UVRAG: variants seen among roughly 807,000 people sequenced by gnomAD.
UVRAG encodes UV radiation resistance-associated gene protein.
In UVRAG, 19 loss-of-function variants were observed where a neutral mutation model predicts 78.0. That is an observed-to-expected ratio of 0.24 (90% CI 0.17 to 0.36). UVRAG has a LOEUF of 0.36. Ranked by LOEUF, UVRAG falls within the 10% of genes least tolerant of loss-of-function variation. UVRAG has a pLI of 1.00. For missense variants in UVRAG, 740 were observed against 853.8 expected (o/e 0.87, Z 1.66); for synonymous variants, 323 against 324.6 (o/e 1.00, Z 0.05).
intron 5 of UVRAG, among the ~76,000 whole-genome samples, chr11:75,889,857 A>G (rs543496408): frequency 6.6e-6 from 1 of 152,234 alleles, no homozygotes; most frequent in Admixed American, 6.5e-5. Context: ...GGTAAATGCT[A>G]TATAAGCATA....
chr11:76,016,093 A>G (rs1174815672), intron 11 of UVRAG, among the ~76,000 whole-genome samples: 6 of 152,214 alleles, frequency 3.9e-5, no homozygotes. Context: ...ATAAGTTTAG[A>G]AAATGTAATT....
chr11:75,848,256 TTTAA>T (rs1946079336), intron 1 of UVRAG, among the ~76,000 whole-genome samples: 1 of 152,132 alleles, frequency 6.6e-6, no homozygotes, highest in South Asian at 2.1e-4. Context: ...TATCTTGGAT[TTTAA>T]TTAATTATGG....
intron 13 of UVRAG, among the ~76,000 whole-genome samples, chr11:76,096,773 C>T (rs947240798): frequency 1.6e-4 from 24 of 152,118 alleles, no homozygotes; most frequent in Admixed American, 1.6e-3. Flanking sequence ...AAGCAAATAC[C>T]CTGAGGCGCC....
At chr11:75,878,690 C>T (rs1946866384) in intron 3 of UVRAG, among the ~76,000 whole-genome samples, 1 of 152,206 alleles carries the variant, frequency 6.6e-6, no homozygotes. Context: ...GAAACCCAGT[C>T]TCCACCAAAA....
intron 14 of UVRAG, among the ~76,000 whole-genome samples, chr11:76,129,442 G>A (rs1242754859): frequency 6.6e-6 from 1 of 152,082 alleles, no homozygotes; most frequent in African/African-American, 2.4e-5. Context: ...CTTAGTCCTA[G>A]GCCCTTTTTT....
intron 13 of UVRAG, among the ~76,000 whole-genome samples, chr11:76,098,520 T>C (rs1052411211): frequency 1.3e-5 from 2 of 152,174 alleles, no homozygotes; most frequent in African/African-American, 2.4e-5. Flanking sequence ...TATTAGATTG[T>C]TTTTCAGTCA....
rs1947252170 is a variant in UVRAG at position 75,893,036 on chromosome 11, G to A, written c.507+4133G>A. ...CTACTAAAAACACAAAAATTAGCCAGGCATAGTGGCGGGTGCCTGTAATCC... is the reference window on the plus strand; with the variant it reads ...CTACTAAAAACACAAAAATTAGCCAAGCATAGTGGCGGGTGCCTGTAATCC... On this transcript the variant is annotated intron_variant, in intron 5 of 14. Coordinates refer to ENST00000356136, the MANE Select transcript of UVRAG (RefSeq NM_003369.4). Among the ~76,000 whole-genome samples, 2 of 152,012 alleles carry A rather than the reference G, an allele frequency of 1.3e-5. 1 individual carries two copies. The highest frequency in any genetic ancestry group is 4.2e-4 in the South Asian group (2 of 4,818).
intron 12 of UVRAG, among the ~76,000 whole-genome samples, chr11:76,038,472 A>G (rs933985398): frequency 6.6e-6 from 1 of 152,248 alleles, no homozygotes; most frequent in Non-Finnish European, 1.5e-5. Flanking sequence ...AATTTGAAGT[A>G]TACAGGACTT....
chr11:75,825,111 C>G (rs1590899325), intron 1 of UVRAG, among the ~76,000 whole-genome samples: 1 of 141,456 alleles, frequency 7.1e-6, no homozygotes, highest in East Asian at 2.0e-4. Context: ...TAAGTAATGT[C>G]TTTTTTTTTT....
At chr11:75,855,362 G>A (rs185946909) in intron 2 of UVRAG, among the ~76,000 whole-genome samples, 3 of 152,292 alleles carry the variant, frequency 2.0e-5, no homozygotes, top group Admixed American at 2.0e-4. Context: ...GCCTCTTGAG[G>A]GCATTTACTC....
At chr11:75,962,159 C>T (rs1324907216) in intron 7 of UVRAG, among the ~76,000 whole-genome samples, 5 of 151,666 alleles carry the variant, frequency 3.3e-5, no homozygotes, top group African/African-American at 1.2e-4. Flanking sequence ...TTTTAAAAGC[C>T]ACTTGGGTAT....
chr11:76,116,935 G>A (rs1952193496), intron 14 of UVRAG, among the ~76,000 whole-genome samples: 1 of 152,278 alleles, frequency 6.6e-6, no homozygotes, highest in South Asian at 2.1e-4. Context: ...TCTTAGATAG[G>A]ACTCCTGTTA....
At position 76,141,691 on chromosome 11, in the gene UVRAG, C is replaced by T; in HGVS notation, c.*278C>T. Reference sequence around the variant, plus strand: ...GCTTACAGCTCGAGTCACCTTTTAGCTATTTGTCTGCTTTTTATTTACCCT... The same window carrying T: ...GCTTACAGCTCGAGTCACCTTTTAGTTATTTGTCTGCTTTTTATTTACCCT... On this transcript the variant is annotated 3_prime_UTR_variant, in exon 15 of 15. Coordinates refer to ENST00000356136, the MANE Select transcript of UVRAG (RefSeq NM_003369.4). The T allele has an allele frequency of 2.3e-6, 1 of 433,036 alleles. No homozygotes were observed. The highest frequency in any genetic ancestry group is 2.0e-5 in the African/African-American group (1 of 50,474). The allele number at this position is 433,036 out of a possible 1,614,324, so 26.8% of individuals were successfully genotyped here.
chr11:75,957,141 C>T (rs1021484313), intron 6 of UVRAG, among the ~76,000 whole-genome samples: 5 of 151,924 alleles, frequency 3.3e-5, no homozygotes, highest in Middle Eastern at 3.4e-3. Context: ...TATTTGTCTA[C>T]CCCAAGTTTG....
chr11:75,929,182 T>C (rs5026790), intron 6 of UVRAG, among the ~76,000 whole-genome samples: 13,420 of 152,188 alleles, frequency 0.088, 1,006 homozygotes, highest in African/African-American at 0.21. Context: ...GAGATTGCTG[T>C]GTGATAAACT....
At chr11:76,032,347 C>T (rs1302037285) in intron 12 of UVRAG, among the ~76,000 whole-genome samples, 1 of 152,012 alleles carries the variant, frequency 6.6e-6, no homozygotes, top group African/African-American at 2.4e-5. Context: ...GGATGATCAC[C>T]AAAAGTAGTT....
intron 5 of UVRAG, 69 bp from the exon 6 acceptor site, chr11:75,911,885 G>A: frequency 1.9e-6 from 2 of 1,054,936 alleles, no homozygotes; most frequent in East Asian, 2.4e-5. Context: ...AAAAAGACAA[G>A]CATGATTAAT....
rs572903626 is a variant in UVRAG at position 75,842,639 on chromosome 11, A to C, written c.118-9244A>C. On this transcript the variant is annotated intron_variant, in intron 1 of 14. Coordinates refer to ENST00000356136, the MANE Select transcript of UVRAG (RefSeq NM_003369.4). ...GTATTTTTAGTAGAGACAGGGTTTC[A>C]CCATGTTGCCCAGGCTGGTCTTGAA... is the stretch of plus-strand genomic sequence containing the variant. Among the ~76,000 whole-genome samples, 203 of 152,124 alleles carry C rather than the reference A, an allele frequency of 1.3e-3. 1 individual carries two copies. Among genetic ancestry groups the C allele is most frequent in the African/African-American group, 4.5e-3 (187 of 41,522 alleles).
chr11:75,830,950 GT>G (rs1290273340), intron 1 of UVRAG, among the ~76,000 whole-genome samples: 1 of 152,174 alleles, frequency 6.6e-6, no homozygotes, highest in African/African-American at 2.4e-5. Context: ...CCTAAACTAA[GT>G]TAGGCAACCT....
Sources: gnomAD v4.1 joint callset for allele counts (sites outside exome capture counted in the v4.1 genomes callset) on GRCh38, gnomAD v4.1.1 for gene constraint, MANE v1.5 for transcripts, NCBI Gene and HGNC (gene_info 2026-07-23, HGNC 2026-07-21) for gene names.